The following PKIB variants were observed in gnomAD, a reference collection of about 807,000 sequenced individuals.
The protein encoded by PKIB is cAMP-dependent protein kinase inhibitor beta, also known as PKI-beta.
A neutral mutation model predicts 4.5 loss-of-function variants in PKIB; 2 were observed. The ratio of observed to expected loss-of-function variants is 0.44; its 90% CI spans 0.18 to 1.39. The LOEUF is 1.39. PKIB is among the 40% of genes most tolerant of loss of function. The pLI, the probability that PKIB is intolerant of heterozygous loss-of-function variation, is 0.27. For synonymous variants in PKIB, 38 were observed against 36.0 expected (o/e 1.06, Z -0.20); for missense variants, 94 against 92.6 (o/e 1.02, Z -0.06).
intron 2 of PKIB, among the ~76,000 whole-genome samples, chr6:122,543,316 G>T (rs1484407485): frequency 6.6e-6 from 1 of 151,630 alleles, no homozygotes; most frequent in African/African-American, 2.4e-5. Flanking sequence ...ACTGTAGACA[G>T]GAGCTGTTCC....
intron 3 of PKIB, among the ~76,000 whole-genome samples, chr6:122,689,349 A>T (rs1220532009): frequency 1.3e-5 from 2 of 152,038 alleles, no homozygotes; most frequent in African/African-American, 2.4e-5. Flanking sequence ...AATATGCATC[A>T]TTGAGTTGAT....
At chr6:122,509,435 C>CT (rs58299203) in intron 2 of PKIB, among the ~76,000 whole-genome samples, 101 of 144,522 alleles carry the variant, frequency 7.0e-4, no homozygotes, top group Middle Eastern at 3.5e-3. Flanking sequence ...TTAAAATTGT[C>CT]TTTTTTTTTT....
intron 2 of PKIB, among the ~76,000 whole-genome samples, chr6:122,667,494 G>A (rs1234073329): frequency 6.6e-6 from 1 of 151,466 alleles, no homozygotes; most frequent in Non-Finnish European, 1.5e-5. Flanking sequence ...CCGAGATGAC[G>A]CCACTGCACT....
intron 3 of PKIB, among the ~76,000 whole-genome samples, chr6:122,685,332 A>G (rs1778052910): frequency 6.6e-6 from 1 of 152,176 alleles, no homozygotes; most frequent in Admixed American, 6.5e-5. Flanking sequence ...CAAGTTTTAA[A>G]AAGAATTAAA....
chr6:122,689,484 T>C (rs1318050465), intron 3 of PKIB, among the ~76,000 whole-genome samples: 1 of 152,214 alleles, frequency 6.6e-6, no homozygotes, highest in Non-Finnish European at 1.5e-5. Flanking sequence ...TTTCAAGAAA[T>C]TTTTCAATTT....
At chr6:122,695,707 A>G (rs886276743) in intron 3 of PKIB, among the ~76,000 whole-genome samples, 1 of 152,136 alleles carries the variant, frequency 6.6e-6, no homozygotes, top group African/African-American at 2.4e-5. Context: ...CTATGACTCT[A>G]GAAAAGGCAA....
At chr6:122,520,190 G>A (rs1226138250) in intron 2 of PKIB, among the ~76,000 whole-genome samples, 1 of 152,080 alleles carries the variant, frequency 6.6e-6, no homozygotes, top group Non-Finnish European at 1.5e-5. Context: ...GAAATTATCA[G>A]CATATTGGTC....
intron 2 of PKIB, among the ~76,000 whole-genome samples, chr6:122,541,569 C>T (rs919664516): frequency 3.3e-5 from 5 of 152,006 alleles, no homozygotes; most frequent in Non-Finnish European, 7.4e-5. Context: ...ATCTGATGGG[C>T]TTCCCTTTGT....
chr6:122,626,191 A>G (rs1775437750), intron 1 of PKIB, among the ~76,000 whole-genome samples: 1 of 152,254 alleles, frequency 6.6e-6, no homozygotes, highest in Non-Finnish European at 1.5e-5. Context: ...TTACTAATCA[A>G]TATACTTTAG....
At chr6:122,572,782 C>G (rs1396933845) in intron 2 of PKIB, among the ~76,000 whole-genome samples, 1 of 151,800 alleles carries the variant, frequency 6.6e-6, no homozygotes, top group Non-Finnish European at 1.5e-5. Context: ...AGAAATGAAA[C>G]TGGCAATATT....
chr6:122,636,349 CT>C (rs1477939273), intron 2 of PKIB, among the ~76,000 whole-genome samples: 1 of 151,910 alleles, frequency 6.6e-6, no homozygotes, highest in Admixed American at 6.6e-5. Context: ...GGGTAATGAA[CT>C]TTGTTAAGTA....
At chr6:122,513,767 A>G (rs1321030400) in intron 2 of PKIB, among the ~76,000 whole-genome samples, 1 of 152,168 alleles carries the variant, frequency 6.6e-6, no homozygotes, top group African/African-American at 2.4e-5. Flanking sequence ...CCTTGGGATT[A>G]TGGCCTCCAG....
intron 3 of PKIB, among the ~76,000 whole-genome samples, chr6:122,603,680 C>T (rs1248715894): frequency 6.6e-6 from 1 of 152,048 alleles, no homozygotes; most frequent in African/African-American, 2.4e-5. Flanking sequence ...GGGGTTTTGC[C>T]ACGTTGGCCA....
chr6:122,482,566 T>TG (rs1775653947), intron 2 of PKIB: 1 of 133,934 alleles, frequency 7.5e-6, no homozygotes, highest in African/African-American at 2.7e-5. Flanking sequence ...TTTTTTTTTT[T>TG]TGCAGATGGA....
intron 3 of PKIB, among the ~76,000 whole-genome samples, chr6:122,678,520 G>GT (rs1370017110): frequency 1.4e-4 from 21 of 151,754 alleles, no homozygotes; most frequent in East Asian, 1.2e-3. Flanking sequence ...GTTTTGTTTT[G>GT]TTTTTTTGTG....
chr6:122,700,109 G>A (rs1025687776), intron 3 of PKIB, among the ~76,000 whole-genome samples: 3 of 152,018 alleles, frequency 2.0e-5, no homozygotes, highest in Non-Finnish European at 2.9e-5. Flanking sequence ...CTATATAAAT[G>A]CCTTTAATAT....
intron 3 of PKIB, among the ~76,000 whole-genome samples, chr6:122,599,235 A>G (rs1774278089): frequency 6.6e-6 from 1 of 152,164 alleles, no homozygotes; most frequent in Non-Finnish European, 1.5e-5. Context: ...TGGGTCAGGA[A>G]GGGGATGTTG....
rs112997095 is a variant in PKIB, at chr6:122,665,700, G to GA, written c.-75-9369dup. Among the ~76,000 whole-genome samples, 222 of 150,730 alleles carry GA rather than the reference G, an allele frequency of 1.5e-3. 1 individual carries two copies. Among genetic ancestry groups the GA allele is most frequent in the African/African-American group, 4.9e-3 (202 of 41,114 alleles). ...GTTGGTTGTAAAGTCAGTTTTTAAT[G>GA]AAAAAAAAACTGAAAATGCATTTGA... On this transcript the variant is annotated intron_variant, in intron 2 of 4. Transcript: ENST00000368452.
At chr6:122,683,079 C>T (rs886101125) in intron 3 of PKIB, among the ~76,000 whole-genome samples, 2 of 152,094 alleles carry the variant, frequency 1.3e-5, no homozygotes, top group African/African-American at 4.8e-5. Context: ...TCCCTGGAAT[C>T]GAGTCAATAA....
Sources: gnomAD v4.1 joint callset for allele counts (sites outside exome capture counted in the v4.1 genomes callset) on GRCh38, gnomAD v4.1.1 for gene constraint, MANE v1.5 for transcripts, NCBI Gene and HGNC (gene_info 2026-07-23, HGNC 2026-07-21) for gene names.